The following FAT3 variants were observed in gnomAD, a reference collection of about 807,000 sequenced individuals.
The protein encoded by FAT3 is protocadherin Fat 3.
A neutral mutation model predicts 310.2 loss-of-function variants in FAT3; 95 were observed. The observed-to-expected ratio is 0.31, with a 90% CI of 0.26 to 0.36. FAT3 has a LOEUF of 0.36. FAT3 is among the 10% of genes least tolerant of loss of function. The pLI, the probability that FAT3 is intolerant of heterozygous loss-of-function variation, is 1.00. For missense variants in FAT3, 5,408 were observed against 5,715.6 expected, an observed-to-expected ratio of 0.95 and a Z score of 1.74; for synonymous variants, 2,314 against 2,192.9, an observed-to-expected ratio of 1.06 and a Z score of -1.54.
chr11:92,606,221 T>C (rs1338374664), intron 3 of FAT3, among the ~76,000 whole-genome samples: 1 of 152,222 alleles, frequency 6.6e-6, no homozygotes, highest in Admixed American at 6.5e-5. Flanking sequence ...TTGTGCCTAA[T>C]GCTTCTGTCA....
At chr11:92,427,275 A>T (rs1387239350) in intron 2 of FAT3, among the ~76,000 whole-genome samples, 1 of 152,072 alleles carries the variant, frequency 6.6e-6, no homozygotes, top group Non-Finnish European at 1.5e-5. Context: ...TTTTTGGGCT[A>T]AGACGATGGA....
intron 1 of FAT3, among the ~76,000 whole-genome samples, chr11:92,275,636 C>T (rs1306901299): frequency 2.0e-5 from 3 of 152,094 alleles, no homozygotes; most frequent in Non-Finnish European, 4.4e-5. Flanking sequence ...CTCACTACTC[C>T]TCTTCACTTC....
At chr11:92,358,480 C>T (rs1367206543) in intron 2 of FAT3, among the ~76,000 whole-genome samples, 2 of 152,138 alleles carry the variant, frequency 1.3e-5, no homozygotes, top group East Asian at 3.9e-4. Context: ...TTTATTATTT[C>T]ATTCTGTTCC....
intron 3 of FAT3, among the ~76,000 whole-genome samples, chr11:92,625,613 C>A (rs1273633695): frequency 6.6e-6 from 1 of 152,136 alleles, no homozygotes; most frequent in Non-Finnish European, 1.5e-5. Context: ...CACACAGATG[C>A]CACACTGATG....
intron 2 of FAT3, among the ~76,000 whole-genome samples, chr11:92,486,814 C>T (rs1215689882): frequency 6.6e-6 from 1 of 152,126 alleles, no homozygotes; most frequent in African/African-American, 2.4e-5. Context: ...TTCTGGGCAC[C>T]AAGAATTAGA....
At chr11:92,486,021 T>G (rs1952372495) in intron 2 of FAT3, among the ~76,000 whole-genome samples, 1 of 151,934 alleles carries the variant, frequency 6.6e-6, no homozygotes, top group African/African-American at 2.4e-5. Context: ...AACAAAGGAA[T>G]TTTTAGGTTG....
chr11:92,817,200 T>G (rs748980011), intron 13 of FAT3, among the ~76,000 whole-genome samples: 1 of 151,868 alleles, frequency 6.6e-6, no homozygotes, highest in Non-Finnish European at 1.5e-5. Context: ...TGTTTCAGGG[T>G]GAGGGGAAAG....
intron 16 of FAT3, among the ~76,000 whole-genome samples, chr11:92,836,985 A>G (rs1289427722): frequency 6.6e-6 from 1 of 152,156 alleles, no homozygotes; most frequent in Non-Finnish European, 1.5e-5. Flanking sequence ...ACAGAAAAAT[A>G]CTTTCAGGGT....
Position 92,532,661 on chromosome 11 carries a change from C to T in FAT3, c.3607+7713C>T, listed in dbSNP as rs150253684. ...TATTTGGAGAGGATTTGGCTGGTAA[C>T]GAAATTCTCCTCAGAGCCCATTTTG... On this transcript the variant is annotated intron_variant, in intron 3 of 27. Coordinates refer to ENST00000525166, the MANE Select transcript of FAT3 (RefSeq NM_001367949.2). 3.9e-4 allele frequency among the ~76,000 whole-genome samples: 60 copies of T among 152,220 alleles called. No homozygotes were observed. The East Asian group carries it at 9.7e-3, about 25-fold the overall frequency.
At chr11:92,776,182 C>T (rs1197447218) in intron 7 of FAT3, among the ~76,000 whole-genome samples, 1 of 152,034 alleles carries the variant, frequency 6.6e-6, no homozygotes, top group Non-Finnish European at 1.5e-5. Flanking sequence ...GAGTTTCATA[C>T]CAGTTGAATT....
intron 1 of FAT3, among the ~76,000 whole-genome samples, chr11:92,324,117 T>A (rs1436186756): frequency 6.6e-6 from 1 of 152,228 alleles, no homozygotes; most frequent in Non-Finnish European, 1.5e-5. Context: ...ATGTTGTGGC[T>A]GGTTTGGTCT....
chr11:92,326,276 A>G (rs1395259258), intron 1 of FAT3, among the ~76,000 whole-genome samples: 2 of 152,218 alleles, frequency 1.3e-5, no homozygotes, highest in African/African-American at 4.8e-5. Context: ...AAGAAACGTG[A>G]TGTTATTTCA....
chr11:92,418,438 A>C (rs186280466), intron 2 of FAT3, among the ~76,000 whole-genome samples: 6,647 of 22,562 alleles, frequency 0.29, 628 homozygotes, highest in African/African-American at 0.47. Flanking sequence ...ACCCCCCCAC[A>C]CACACACAGA....
At chr11:92,773,199 G>A (rs1306895394) in intron 6 of FAT3, among the ~76,000 whole-genome samples, 2 of 152,110 alleles carry the variant, frequency 1.3e-5, no homozygotes, top group Admixed American at 6.6e-5. Context: ...GGTTCCCAGA[G>A]GTAGAAACAT....
chr11:92,856,031 T>C (rs945997682), intron 19 of FAT3, among the ~76,000 whole-genome samples: 5 of 147,528 alleles, frequency 3.4e-5, no homozygotes, highest in Admixed American at 7.0e-5. Context: ...CCCAGGCTAG[T>C]GTGCAGTGGC....
chr11:92,298,183 T>C (rs1946899583), intron 1 of FAT3, among the ~76,000 whole-genome samples: 2 of 152,130 alleles, frequency 1.3e-5, no homozygotes, highest in South Asian at 2.1e-4. Flanking sequence ...CAGGGGAACA[T>C]TTAGCTCTTT....
At chr11:92,527,959 C>T (rs1953929387) in intron 3 of FAT3, among the ~76,000 whole-genome samples, 1 of 152,162 alleles carries the variant, frequency 6.6e-6, no homozygotes, top group Non-Finnish European at 1.5e-5. Flanking sequence ...TCATTTCCTC[C>T]TCTGCTGTAC....
intron 2 of FAT3, among the ~76,000 whole-genome samples, chr11:92,393,138 CT>C (rs1949785481): frequency 6.6e-6 from 1 of 152,114 alleles, no homozygotes; most frequent in Admixed American, 6.6e-5. Context: ...GCTGCTATTT[CT>C]TTTCCAGCTG....
intron 4 of FAT3, among the ~76,000 whole-genome samples, chr11:92,730,633 A>AT (rs1382978692): frequency 6.6e-6 from 1 of 152,130 alleles, no homozygotes; most frequent in Non-Finnish European, 1.5e-5. Flanking sequence ...CTGCTTTTGA[A>AT]TTTGCGCTAG....
Sources: gnomAD v4.1 joint callset for allele counts (sites outside exome capture counted in the v4.1 genomes callset) on GRCh38, gnomAD v4.1.1 for gene constraint, MANE v1.5 for transcripts, NCBI Gene and HGNC (gene_info 2026-07-23, HGNC 2026-07-21) for gene names.